Variants in ESRRB observed in about 807,000 individuals in gnomAD.
ESRRB encodes the protein estrogen related receptor beta, also known as steroid hormone receptor ERR2.
Under a neutral mutation model 46.0 loss-of-function variants are expected in ESRRB, and 16 were observed. The observed-to-expected ratio is 0.35, with a 90% confidence interval of 0.24 to 0.53. ESRRB has a LOEUF of 0.53. ESRRB is among the 20% of genes least tolerant of loss of function. The pLI, the probability that ESRRB is intolerant of heterozygous loss-of-function variation, is 0.93. For synonymous variants in ESRRB, 246 were observed against 259.6 expected (o/e 0.95, Z 0.50); for missense variants, 488 against 607.4 (o/e 0.80, Z 2.07).
chr14:76,432,706 C>T (rs1167963079), intron 1 of ESRRB, among the ~76,000 whole-genome samples: 1 of 131,466 alleles, frequency 7.6e-6, no homozygotes, highest in Non-Finnish European at 1.5e-5. Context: ...GACGGTGTCT[C>T]GCCCTGTCAC....
At chr14:76,490,858 G>A (rs182260246) in intron 5 of ESRRB, among the ~76,000 whole-genome samples, 134 of 152,258 alleles carry the variant, frequency 8.8e-4, no homozygotes, top group Admixed American at 1.4e-3. Flanking sequence ...CCCTGACCCC[G>A]GGGGCTCTTG....
In ESRRB at chr14:76,441,626, T is replaced by C. The variant is rs113006088; in HGVS notation, c.460+1876T>C. ...AGCCACCGTGCCTCGCCGATAGCTGTGACTGTTAATTGCGTCAGGCCCTGG... is the reference window on the plus strand; with the variant it reads ...AGCCACCGTGCCTCGCCGATAGCTGCGACTGTTAATTGCGTCAGGCCCTGG... On this transcript the variant is annotated intron_variant, in intron 2 of 6. Transcript: ENST00000644823. 3.6e-3 allele frequency among the ~76,000 whole-genome samples: 542 copies of C among 152,356 alleles called. 9 individuals carry two copies. Among genetic ancestry groups the C allele is most frequent in the African/African-American group, 0.012 (518 of 41,588 alleles).
chr14:76,398,267 G>C (rs1885784304), intron 1 of ESRRB, among the ~76,000 whole-genome samples: 1 of 152,214 alleles, frequency 6.6e-6, no homozygotes, highest in South Asian at 2.1e-4. Flanking sequence ...TAGGAGCTCA[G>C]AGAGGTTGAG....
chr14:76,500,004 C>A lies in ESRRB; in HGVS notation c.*1546C>A. 1 of 1,573,048 alleles carries A rather than the reference C, an allele frequency of 6.4e-7. No homozygotes were observed. Among genetic ancestry groups the A allele is most frequent in the East Asian group, 2.3e-5 (1 of 42,988 alleles). On this transcript the variant is annotated 3_prime_UTR_variant, in exon 7 of 7. Transcript: ENST00000644823. ...GATCCCCAATCCACGCCCTTCTAGTCCAACCCCCCTCAATGAGAGAGGCAG... is the reference window on the plus strand; with the variant it reads ...GATCCCCAATCCACGCCCTTCTAGTACAACCCCCCTCAATGAGAGAGGCAG...
At chr14:76,413,782 G>A (rs2139868045) in intron 1 of ESRRB, among the ~76,000 whole-genome samples, 1 of 151,962 alleles carries the variant, frequency 6.6e-6, no homozygotes, top group African/African-American at 2.4e-5. Flanking sequence ...TGTGCAGCAG[G>A]TGTTTCATCC....
chr14:76,336,534 C>T (rs1336224631), intron 1 of ESRRB, among the ~76,000 whole-genome samples: 1 of 152,220 alleles, frequency 6.6e-6, no homozygotes, highest in Non-Finnish European at 1.5e-5. Context: ...GCTTTCAGAC[C>T]CCCTGGTCCC....
intron 1 of ESRRB, among the ~76,000 whole-genome samples, chr14:76,325,729 T>C (rs1304856884): frequency 6.6e-6 from 1 of 152,184 alleles, no homozygotes; most frequent in African/African-American, 2.4e-5. Flanking sequence ...CATGTTATCT[T>C]GCCACTAAAC....
chr14:76,333,029 ATATATATTATATATTATATATTATATAT>A (rs1198027132), intron 1 of ESRRB, among the ~76,000 whole-genome samples: 139 of 6,626 alleles, frequency 0.021, 10 homozygotes, highest in East Asian at 0.045. Context: ...ATTATATATT[ATATATATTATATATTATATATTATATAT>A]TATATATTAT....
rs752185665 is a variant in ESRRB, at chr14:76,482,037, G to A, written c.599G>A (p.Arg200His). The change falls in exon 4 of 7, where the codon CGT becomes CAT. Residue 200 changes from arginine to histidine, a missense_variant. Arg to His is a conservative substitution (Grantham distance 29, BLOSUM62 0). Coordinates refer to ENST00000644823, the MANE Select transcript of ESRRB (RefSeq NM_001379180.1). The surrounding 1 kb of genome is among the most constrained non-coding windows in gnomAD (Gnocchi z 4.3). The stretch of plus-strand genomic sequence containing the variant: ...ATAGGTGTGCGCCTTGATCGAGTGC[G>A]TGGAGGCCGTCAGAAATACAAGCGA... ...LKEGVRLDRVRGGRQKYKRRL... is the reference protein window; with the variant it reads ...LKEGVRLDRVHGGRQKYKRRL... The A allele has an allele frequency of 1.3e-5, 21 of 1,614,066 alleles. No homozygotes were observed. The highest frequency in any genetic ancestry group is 4.0e-5 in the African/African-American group (3 of 74,912).
intron 1 of ESRRB, among the ~76,000 whole-genome samples, chr14:76,437,198 A>AT: frequency 6.6e-6 from 1 of 151,978 alleles, no homozygotes; most frequent in East Asian, 1.9e-4. Flanking sequence ...TGCCCGGATA[A>AT]TTTTTGTATT....
chr14:76,328,481 A>G (rs1262690325), intron 1 of ESRRB, among the ~76,000 whole-genome samples: 1 of 152,136 alleles, frequency 6.6e-6, no homozygotes, highest in Non-Finnish European at 1.5e-5. Context: ...AAAAATGTGC[A>G]TATGTGCCTA....
At chr14:76,332,736 T>TTATATATATTTATATATTATATATATTA (rs1245888376) in intron 1 of ESRRB, among the ~76,000 whole-genome samples, 1 of 15,368 alleles carries the variant, frequency 6.5e-5, no homozygotes, top group Non-Finnish European at 1.0e-4. Flanking sequence ...TATTTATATA[T>TTATATATATTTATATATTATATATATTA]TATATATTTA....
intron 1 of ESRRB, among the ~76,000 whole-genome samples, chr14:76,343,719 C>T (rs1444524280): frequency 6.6e-6 from 1 of 152,232 alleles, no homozygotes; most frequent in Non-Finnish European, 1.5e-5. Context: ...AGCTGCATGG[C>T]TTCTTCTGAC....
intron 1 of ESRRB, among the ~76,000 whole-genome samples, chr14:76,432,185 G>A (rs1450968872): frequency 6.6e-6 from 1 of 152,172 alleles, no homozygotes; most frequent in Non-Finnish European, 1.5e-5. Context: ...GTAGGTTTTG[G>A]CTCACATACT....
upstream of ESRRB, among the ~76,000 whole-genome samples, chr14:76,370,515 A>G (rs1884597887): frequency 6.6e-6 from 1 of 152,182 alleles, no homozygotes; most frequent in Non-Finnish European, 1.5e-5. Context: ...AATCCACTGT[A>G]ATGGAAAATA....
intron 1 of ESRRB, among the ~76,000 whole-genome samples, chr14:76,413,566 C>A (rs58659351): frequency 0.055 from 8,368 of 152,218 alleles, 720 homozygotes; most frequent in African/African-American, 0.19. Context: ...GGGTTAGACA[C>A]TCCTCTGCAC....
At chr14:76,335,864 G>A (rs981692912) in intron 1 of ESRRB, among the ~76,000 whole-genome samples, 9 of 152,142 alleles carry the variant, frequency 5.9e-5, no homozygotes, top group Admixed American at 2.6e-4. Flanking sequence ...TGATGCGCCC[G>A]GTGCTAAGCA....
At chr14:76,366,544 G>A (rs959731188), upstream of ESRRB, among the ~76,000 whole-genome samples, 3 of 152,224 alleles carry the variant, frequency 2.0e-5, no homozygotes, top group Non-Finnish European at 2.9e-5. Flanking sequence ...ACCGTCACTT[G>A]ACCCTCCCAT....
At chr14:76,311,157 G>A (rs994701301) in intron 1 of ESRRB, among the ~76,000 whole-genome samples, 2 of 152,108 alleles carry the variant, frequency 1.3e-5, no homozygotes, top group East Asian at 1.9e-4. Context: ...TGGATGGCTA[G>A]GTGGGACGGT....
Sources: gnomAD v4.1 joint callset for allele counts (sites outside exome capture counted in the v4.1 genomes callset) on GRCh38, gnomAD v4.1.1 for gene constraint, Gnocchi (gnomAD v3.1) non-coding constraint, MANE v1.5 for transcripts, NCBI Gene and HGNC (gene_info 2026-07-23, HGNC 2026-07-21) for gene names.